The following TENM4 variants were observed in gnomAD, a reference collection of about 807,000 sequenced individuals.
TENM4 encodes teneurin-4.
Under a neutral mutation model 243.3 loss-of-function variants are expected in TENM4, and 82 were observed. The observed-to-expected ratio is 0.34, with a 90% CI of 0.28 to 0.40. TENM4 has a LOEUF of 0.40. Ranked by LOEUF, TENM4 falls within the 10% of genes least tolerant of loss-of-function variation. TENM4 has a pLI of 1.00. For synonymous variants in TENM4, 1,412 were observed against 1,456.3 expected, an observed-to-expected ratio of 0.97 and a Z score of 0.69; for missense variants, 3,138 against 3,673.3, an observed-to-expected ratio of 0.85 and a Z score of 3.77.
chr11:79,070,682 T>A (rs1295735701), intron 4 of TENM4, among the ~76,000 whole-genome samples: 2 of 152,154 alleles, frequency 1.3e-5, no homozygotes, highest in Non-Finnish European at 2.9e-5. Flanking sequence ...TGGTACACAG[T>A]AGGCGCATAA....
chr11:79,159,686 C>A (rs1249259663), intron 3 of TENM4, among the ~76,000 whole-genome samples: 1 of 152,184 alleles, frequency 6.6e-6, no homozygotes, highest in African/African-American at 2.4e-5. Flanking sequence ...TCCTGCCCTA[C>A]AACCCCAGTC....
At chr11:79,409,752 T>C (rs1277811650) in intron 1 of TENM4, among the ~76,000 whole-genome samples, 1 of 152,212 alleles carries the variant, frequency 6.6e-6, no homozygotes, top group Non-Finnish European at 1.5e-5. Flanking sequence ...CATATTTCTC[T>C]GCTTTGGGAC....
chr11:78,655,784 T>G lies in TENM4; in HGVS notation c.*2274A>C, dbSNP rs979177971. 1.3e-5 allele frequency: 2 copies of G among 151,910 alleles called. No homozygotes were observed. Among genetic ancestry groups the G allele is most frequent in the Admixed American group, 1.3e-4 (2 of 15,258 alleles). 9.4% of individuals were successfully genotyped at this position (151,910 alleles called of 1,614,324 possible). A position where few individuals can be genotyped will look rare whatever the true frequency, so the allele number is the denominator to read the frequency against. On this transcript the variant is annotated 3_prime_UTR_variant, in exon 34 of 34. Transcript: ENST00000278550. Reference sequence around the variant, plus strand: ...GCCCAAGGGCCCTTGGTATGAAGAGTACATTTTGAGAGGCGTAAGTCCCTT... The same window carrying G: ...GCCCAAGGGCCCTTGGTATGAAGAGGACATTTTGAGAGGCGTAAGTCCCTT...
At chr11:79,018,475 C>A (rs1041488162) in intron 6 of TENM4, among the ~76,000 whole-genome samples, 1 of 152,074 alleles carries the variant, frequency 6.6e-6, no homozygotes, top group Admixed American at 6.6e-5. Context: ...CACATCCCCC[C>A]ACACACATCC....
intron 6 of TENM4, among the ~76,000 whole-genome samples, chr11:78,946,968 C>T (rs1184024160): frequency 6.6e-6 from 1 of 152,158 alleles, no homozygotes; most frequent in Non-Finnish European, 1.5e-5. Flanking sequence ...ATGCTGTGAA[C>T]ATTGTTGAAA....
At chr11:79,431,022 C>T (rs1282560785) in intron 1 of TENM4, among the ~76,000 whole-genome samples, 5 of 152,068 alleles carry the variant, frequency 3.3e-5, no homozygotes, top group East Asian at 1.9e-4. Flanking sequence ...AGGGACGCAC[C>T]GTTGCCAATT....
rs77702397 is a variant in TENM4, at chr11:78,780,633, T to C, written c.2366-2005A>G. ...AAACTTAATGGTAGTATAGTGGTTC[T>C]GGTGGTGAGTGAAGCTTATATCCAT... On this transcript the variant is annotated intron_variant, in intron 16 of 33. Coordinates refer to ENST00000278550, the MANE Select transcript of TENM4 (RefSeq NM_001098816.3). 9.5e-3 allele frequency among the ~76,000 whole-genome samples: 1,441 copies of C among 152,308 alleles called. 27 individuals carry two copies. The highest frequency in any genetic ancestry group is 0.033 in the African/African-American group (1,375 of 41,560).
chr11:78,978,561 A>G (rs915070161), intron 6 of TENM4, among the ~76,000 whole-genome samples: 1 of 152,112 alleles, frequency 6.6e-6, no homozygotes, highest in Non-Finnish European at 1.5e-5. Context: ...CTCTCTACCC[A>G]TCCTTTTTTT....
In TENM4 at chr11:78,863,127, G is replaced by A. The variant is rs1858866264; in HGVS notation, c.1090C>T (p.His364Tyr). 2 of 1,510,338 alleles carry A rather than the reference G, an allele frequency of 1.3e-6. No homozygotes were observed. Among genetic ancestry groups the A allele is most frequent in the Non-Finnish European group, 9.0e-7 (1 of 1,116,274 alleles). The allele number at this position is 1,510,338 out of a possible 1,614,324, so 93.6% of individuals were successfully genotyped here. A position where few individuals can be genotyped will look rare whatever the true frequency, so the allele number is the denominator to read the frequency against. ...AGGTGCCAGTTTAGGCCAAACAGGT[G>A]CATGGCTGTGGTGAGCAATGAGAAA... ...VILLAYFVAM[H>Y]LFGLNWHLQP... The change falls in exon 10 of 34, where the codon CAC (histidine) becomes TAC (tyrosine). Residue 364 changes from histidine to tyrosine, a missense_variant. Around this residue, in one of 2 missense-constraint regions of TENM4, gnomAD observed 671 missense variants for 614.1 expected, o/e 1.09. Transcript: ENST00000278550.
chr11:79,050,597 C>CTTTGTTTA (rs1565182659), intron 6 of TENM4, among the ~76,000 whole-genome samples: 1 of 152,198 alleles, frequency 6.6e-6, no homozygotes, highest in African/African-American at 2.4e-5. Context: ...AACAATTTCC[C>CTTTGTTTA]TTTGTTTATA....
intron 14 of TENM4, among the ~76,000 whole-genome samples, chr11:78,811,506 C>A (rs981201295): frequency 6.6e-6 from 1 of 152,066 alleles, no homozygotes; most frequent in African/African-American, 2.4e-5. Flanking sequence ...TCAATCTATA[C>A]AGCCATATAT....
intron 19 of TENM4, among the ~76,000 whole-genome samples, chr11:78,750,581 G>C (rs1000015563): frequency 6.6e-6 from 1 of 152,160 alleles, no homozygotes; most frequent in African/African-American, 2.4e-5. Flanking sequence ...GTAGGCTCAG[G>C]GGGCAGACGT....
chr11:79,319,328 C>T (rs1856850799), intron 1 of TENM4, among the ~76,000 whole-genome samples: 1 of 152,132 alleles, frequency 6.6e-6, no homozygotes, highest in Non-Finnish European at 1.5e-5. Context: ...AAAAAGAAGA[C>T]AGTCTATTTC....
At chr11:78,845,159 G>C (rs1172115328) in intron 12 of TENM4, among the ~76,000 whole-genome samples, 1 of 152,124 alleles carries the variant, frequency 6.6e-6, no homozygotes, top group African/African-American at 2.4e-5. Flanking sequence ...ATTTATGAAA[G>C]GGTTGGTTCT....
intron 4 of TENM4, among the ~76,000 whole-genome samples, chr11:79,142,611 TC>T (rs765341665): frequency 4.6e-5 from 7 of 152,034 alleles, no homozygotes; most frequent in Non-Finnish European, 7.4e-5. Flanking sequence ...AAGACATTCT[TC>T]ACAGCAATAG....
rs201865895 is a variant in TENM4 at position 78,670,474 on chromosome 11, C to T, written c.5871G>A (p.Thr1957=). The change falls in exon 32 of 34, where the codon ACG becomes ACA. Residue 1957 remains threonine, a synonymous_variant. Coordinates refer to ENST00000278550, the MANE Select transcript of TENM4 (RefSeq NM_001098816.3). ...GTGTCTGCCGCGCCACGTTGGGCAT[C>T]GTCACAGAAGAGAGGCGGTCATTCT... ...FDKNDRLSSV[T]MPNVARQTLE... The T allele has an allele frequency of 2.5e-5, 40 of 1,613,890 alleles. 1 individual carries two copies. In the South Asian group the frequency reaches 3.4e-4, roughly 14 times the overall value.
intron 3 of TENM4, among the ~76,000 whole-genome samples, chr11:79,166,380 C>G (rs946157902): frequency 1.3e-5 from 2 of 152,146 alleles, no homozygotes; most frequent in Non-Finnish European, 2.9e-5. Context: ...CCATCATTTC[C>G]CAATGCCCAT....
chr11:79,162,036 C>T (rs116566886), intron 3 of TENM4, among the ~76,000 whole-genome samples: 1 of 152,276 alleles, frequency 6.6e-6, no homozygotes, highest in Non-Finnish European at 1.5e-5. Context: ...CCCAGTACCC[C>T]CTGTATGGCC....
At position 78,670,671 on chromosome 11, in the gene TENM4, T is replaced by C. The variant is rs1180261597; in HGVS notation, c.5794-120A>G. 16 of 1,008,118 alleles carry C rather than the reference T, an allele frequency of 1.6e-5. No homozygotes were observed. In the Admixed American group the frequency reaches 4.0e-4, roughly 25 times the overall value. 62.4% of individuals were successfully genotyped at this position (1,008,118 alleles called of 1,614,324 possible). ...CAAGGAGAATCCTGAGTTTCCATGGTTCTCTTGAGTTATGCTCCAACCAGA... is the reference window on the plus strand; with the variant it reads ...CAAGGAGAATCCTGAGTTTCCATGGCTCTCTTGAGTTATGCTCCAACCAGA... On this transcript the variant is annotated intron_variant, in intron 31 of 33. Coordinates refer to ENST00000278550, the MANE Select transcript of TENM4 (RefSeq NM_001098816.3).
Sources: gnomAD v4.1 joint callset for allele counts (sites outside exome capture counted in the v4.1 genomes callset) on GRCh38, gnomAD v4.1.1 for gene constraint, gnomAD v4.1.1 regional missense constraint, MANE v1.5 for transcripts, NCBI Gene and HGNC (gene_info 2026-07-23, HGNC 2026-07-21) for gene names.